The following ANO3 variants were observed in gnomAD, a reference collection of about 807,000 sequenced individuals.
The protein encoded by ANO3 is anoctamin 3, also known as anoctamin-3.
A neutral mutation model predicts 144.8 loss-of-function variants in ANO3; 99 were observed. The observed-to-expected ratio is 0.68, with a 90% CI of 0.58 to 0.81. The LOEUF is 0.81. ANO3 is among the 30% of genes least tolerant of loss of function. The pLI is 0.00. For missense variants in ANO3, 905 were observed against 1,202.2 expected (o/e 0.75, Z 3.66); for synonymous variants, 414 against 392.6 (o/e 1.05, Z -0.64).
At chr11:26,204,667 T>C (rs948858859) in intron 1 of ANO3, among the ~76,000 whole-genome samples, 4 of 152,110 alleles carry the variant, frequency 2.6e-5, no homozygotes, top group African/African-American at 9.7e-5. Context: ...TTATTTGGTT[T>C]GAGATAGGGG....
intron 17 of ANO3, among the ~76,000 whole-genome samples, chr11:26,615,457 C>T (rs1466118038): frequency 2.0e-5 from 3 of 147,554 alleles, no homozygotes; most frequent in Non-Finnish European, 4.5e-5. Flanking sequence ...CACAAAAACA[C>T]GGGACTTTGG....
At chr11:26,257,347 AC>A (rs900868061) in intron 1 of ANO3, among the ~76,000 whole-genome samples, 3 of 152,010 alleles carry the variant, frequency 2.0e-5, no homozygotes, top group Admixed American at 1.3e-4. Context: ...ACATGTAACT[AC>A]CCACTGATGG....
intron 4 of ANO3, 58 bp downstream of exon 4, chr11:26,463,206 C>T (rs991203358): frequency 7.1e-6 from 6 of 849,726 alleles, no homozygotes; most frequent in East Asian, 2.6e-5. Flanking sequence ...TAAAACCTTA[C>T]AATATTCATC....
chr11:26,556,652 G>C (rs967880527), intron 13 of ANO3, among the ~76,000 whole-genome samples: 2 of 152,092 alleles, frequency 1.3e-5, no homozygotes, highest in Non-Finnish European at 2.9e-5. Flanking sequence ...TAAAAGATAC[G>C]TGGAGAATAG....
chr11:26,441,106 GTTTT>G (rs1022676698), intron 1 of ANO3, among the ~76,000 whole-genome samples: 5 of 86,552 alleles, frequency 5.8e-5, no homozygotes, highest in East Asian at 3.8e-4. Flanking sequence ...TTGCTGCCCA[GTTTT>G]TTTTTTTTTT....
chr11:26,463,705 A>G (rs1399300613), intron 4 of ANO3, among the ~76,000 whole-genome samples: 1 of 151,900 alleles, frequency 6.6e-6, no homozygotes, highest in Non-Finnish European at 1.5e-5. Context: ...GTTCAATTTT[A>G]GAAACTCCTG....
chr11:26,272,222 G>T (rs1853454640), intron 1 of ANO3, among the ~76,000 whole-genome samples: 1 of 151,976 alleles, frequency 6.6e-6, no homozygotes, highest in Non-Finnish European at 1.5e-5. Flanking sequence ...CCACGGCGAT[G>T]CTAGAAGAGC....
At chr11:26,577,555 A>T (rs1256879318) in intron 14 of ANO3, among the ~76,000 whole-genome samples, 4 of 110,286 alleles carry the variant, frequency 3.6e-5, no homozygotes, top group Non-Finnish European at 5.9e-5. Context: ...CAAGAGAGAG[A>T]CTCCGTCTCA....
At chr11:26,329,311 CACACACACACACACACAGAGAG>C (rs965855298), upstream of ANO3, among the ~76,000 whole-genome samples, 2 of 78,406 alleles carry the variant, frequency 2.6e-5, no homozygotes, top group Non-Finnish European at 3.5e-5. Flanking sequence ...CACACACACA[CACACACACACACACACAGAGAG>C]AGAGAGAGAG....
chr11:26,464,914 G>C (rs533627517), intron 4 of ANO3, among the ~76,000 whole-genome samples: 329 of 151,836 alleles, frequency 2.2e-3, no homozygotes, highest in African/African-American at 7.6e-3. Context: ...GCAATAACCA[G>C]AATGTTTAAA....
At chr11:26,528,197 G>A (rs548243968) in intron 7 of ANO3, among the ~76,000 whole-genome samples, 4 of 152,086 alleles carry the variant, frequency 2.6e-5, no homozygotes, top group Non-Finnish European at 4.4e-5. Context: ...CACGTATTGA[G>A]TACTTACTAT....
At chr11:26,379,538 T>G (rs1856524668) in intron 1 of ANO3, among the ~76,000 whole-genome samples, 1 of 151,976 alleles carries the variant, frequency 6.6e-6, no homozygotes, top group Non-Finnish European at 1.5e-5. Context: ...TCTCAGCACT[T>G]TAGGAGGCTG....
chr11:26,387,503 C>G (rs369883011), intron 1 of ANO3, among the ~76,000 whole-genome samples: 1 of 83,142 alleles, frequency 1.2e-5, no homozygotes, highest in African/African-American at 6.8e-5. Context: ...AAAGTTACTT[C>G]GTGAATTTCT....
intron 1 of ANO3, among the ~76,000 whole-genome samples, chr11:26,384,661 C>T (rs1856677188): frequency 6.6e-6 from 1 of 152,146 alleles, no homozygotes; most frequent in Non-Finnish European, 1.5e-5. Flanking sequence ...CCAGTTTTCC[C>T]CATTGTTCCT....
At chr11:26,519,290 T>C (rs1361212226) in intron 6 of ANO3, among the ~76,000 whole-genome samples, 1 of 152,204 alleles carries the variant, frequency 6.6e-6, no homozygotes, top group Non-Finnish European at 1.5e-5. Context: ...TCCACCTGCC[T>C]CCTCTAGACT....
intron 1 of ANO3, among the ~76,000 whole-genome samples, chr11:26,272,134 C>T (rs1027480554): frequency 1.4e-4 from 22 of 151,994 alleles, no homozygotes; most frequent in African/African-American, 5.3e-4. Flanking sequence ...ACTGATCCCC[C>T]ACAGTTCTTG....
At chr11:26,505,225 G>C (rs192599153) in intron 4 of ANO3, among the ~76,000 whole-genome samples, 104 of 152,000 alleles carry the variant, frequency 6.8e-4, no homozygotes, top group African/African-American at 2.5e-3. Flanking sequence ...AAGAAAAAGA[G>C]CTAGAAAAAA....
intron 11 of ANO3, among the ~76,000 whole-genome samples, chr11:26,542,534 C>A (rs1448659206): frequency 6.6e-6 from 1 of 151,624 alleles, no homozygotes; most frequent in African/African-American, 2.4e-5. Context: ...TAGAGTAAAA[C>A]CTGACTAAAA....
intron 23 of ANO3, among the ~76,000 whole-genome samples, chr11:26,643,602 A>C (rs1208524306): frequency 1.3e-5 from 2 of 152,100 alleles, no homozygotes; most frequent in East Asian, 1.9e-4. Context: ...CTAAAAATAC[A>C]AAATTAGCCG....
Sources: gnomAD v4.1 joint callset for allele counts (sites outside exome capture counted in the v4.1 genomes callset) on GRCh38, gnomAD v4.1.1 for gene constraint, MANE v1.5 for transcripts, NCBI Gene and HGNC (gene_info 2026-07-23, HGNC 2026-07-21) for gene names.